The following MDFIC variants were observed in gnomAD, a reference collection of about 807,000 sequenced individuals.
The protein encoded by MDFIC is myoD family inhibitor domain-containing protein.
A neutral mutation model predicts 23.2 loss-of-function variants in MDFIC; 17 were observed. That is an observed-to-expected ratio of 0.73 (90% CI 0.50 to 1.10). MDFIC has a LOEUF of 1.10. Ranked by LOEUF, MDFIC falls within the 50% of genes least tolerant of loss-of-function variation. The pLI, the probability that MDFIC is intolerant of heterozygous loss-of-function variation, is 0.00. For missense variants in MDFIC, 356 were observed against 316.6 expected (o/e 1.12, Z -0.95); for synonymous variants, 120 against 115.2 (o/e 1.04, Z -0.27).
intron 2 of MDFIC, among the ~76,000 whole-genome samples, chr7:114,924,821 T>A (rs1792159353): frequency 6.6e-6 from 1 of 152,166 alleles, no homozygotes; most frequent in African/African-American, 2.4e-5. Context: ...GCAGATGTCA[T>A]AAGGTGTATT....
At chr7:114,951,922 G>A (rs1792782731) in intron 3 of MDFIC, among the ~76,000 whole-genome samples, 3 of 152,082 alleles carry the variant, frequency 2.0e-5, no homozygotes, top group African/African-American at 7.2e-5. Context: ...AGGGTCTCTT[G>A]TTAAAATATT....
chr7:114,943,303 A>G (rs946727370), intron 3 of MDFIC, among the ~76,000 whole-genome samples: 25 of 152,318 alleles, frequency 1.6e-4, no homozygotes, highest in African/African-American at 4.8e-4. Context: ...TGAAACTTAG[A>G]ACATTTCTTT....
At chr7:114,963,201 G>A (rs367754818) in intron 3 of MDFIC, among the ~76,000 whole-genome samples, 1 of 152,134 alleles carries the variant, frequency 6.6e-6, no homozygotes, top group Non-Finnish European at 1.5e-5. Flanking sequence ...TGGTAAATAA[G>A]CACAATATTT....
intron 3 of MDFIC, among the ~76,000 whole-genome samples, chr7:114,973,433 C>T (rs994537687): frequency 2.0e-5 from 3 of 152,044 alleles, no homozygotes; most frequent in African/African-American, 7.2e-5. Context: ...GGTTTTAAGG[C>T]CCAATCCTAA....
chr7:114,938,159 T>G (rs1446443177), intron 2 of MDFIC, among the ~76,000 whole-genome samples: 1 of 151,982 alleles, frequency 6.6e-6, no homozygotes, highest in Admixed American at 6.6e-5. Flanking sequence ...TTTTACCATG[T>G]TGGTCAGGCT....
At chr7:115,014,620 C>CAAAAAA in intron 4 of MDFIC, 1 of 995,584 alleles carries the variant, frequency 1.0e-6, no homozygotes, top group Non-Finnish European at 1.3e-6. Flanking sequence ...AGTACAAAAA[C>CAAAAAA]AAAAAAACAA....
At position 115,016,206 on chromosome 7, in the gene MDFIC, T is replaced by C. The variant is rs1278577867; in HGVS notation, c.*271T>C. The C allele has an allele frequency of 5.4e-6, 2 of 371,872 alleles. No individual in the cohort carries two copies. The highest frequency in any genetic ancestry group is 4.2e-5 in the African/African-American group (2 of 47,818). 23.0% of individuals were successfully genotyped at this position (371,872 alleles called of 1,614,324 possible). ...GACACCCCCCTTCCCAAATGTTAAA[T>C]GCCTTCTCCTTTTTACCGATATTTC... is the stretch of plus-strand genomic sequence containing the variant. On this transcript the variant is annotated 3_prime_UTR_variant, in exon 5 of 5. Coordinates refer to ENST00000393486, the MANE Select transcript of MDFIC (RefSeq NM_001166345.3).
At chr7:114,941,228 C>T (rs1792533258) in intron 2 of MDFIC, among the ~76,000 whole-genome samples, 1 of 152,138 alleles carries the variant, frequency 6.6e-6, no homozygotes, top group Non-Finnish European at 1.5e-5. Flanking sequence ...TATTAATCTT[C>T]CTAAGGCGTG....
chr7:114,984,344 A>G (rs867582164), intron 4 of MDFIC, among the ~76,000 whole-genome samples: 25 of 152,028 alleles, frequency 1.6e-4, no homozygotes, highest in African/African-American at 5.6e-4. Flanking sequence ...TTTTTATTGT[A>G]CAGTGGTGCC....
At chr7:114,989,657 A>G (rs889976398) in intron 4 of MDFIC, among the ~76,000 whole-genome samples, 2 of 152,204 alleles carry the variant, frequency 1.3e-5, no homozygotes, top group African/African-American at 4.8e-5. Flanking sequence ...CAACCAGAGA[A>G]GTATTTACCG....
At chr7:114,934,918 G>A (rs1161277536) in intron 2 of MDFIC, among the ~76,000 whole-genome samples, 1 of 152,000 alleles carries the variant, frequency 6.6e-6, no homozygotes, top group African/African-American at 2.4e-5. Context: ...TAGGCTTGAG[G>A]GTTTTTTTGT....
chr7:115,001,691 C>T (rs922576764), intron 4 of MDFIC, among the ~76,000 whole-genome samples: 10 of 150,184 alleles, frequency 6.7e-5, no homozygotes, highest in African/African-American at 2.2e-4. Context: ...TAGAGAAGTC[C>T]TGTTTTATTT....
At chr7:114,984,794 A>C (rs778995816) in intron 4 of MDFIC, among the ~76,000 whole-genome samples, 9 of 152,242 alleles carry the variant, frequency 5.9e-5, no homozygotes, top group Admixed American at 1.3e-4. Flanking sequence ...TATGTTTTAC[A>C]TGTGCCAGTT....
chr7:114,931,055 G>A (rs573807827), intron 2 of MDFIC, among the ~76,000 whole-genome samples: 20 of 151,960 alleles, frequency 1.3e-4, no homozygotes, highest in African/African-American at 2.9e-4. Context: ...CTCTCCCTCC[G>A]TCCCCTTTTC....
intron 4 of MDFIC, among the ~76,000 whole-genome samples, chr7:114,994,266 T>A (rs150955110): frequency 6.7e-6 from 1 of 148,184 alleles, no homozygotes; most frequent in Non-Finnish European, 1.5e-5. Flanking sequence ...ATGGGGCTCC[T>A]GAATACAACA....
At chr7:114,952,348 C>T (rs1034387543) in intron 3 of MDFIC, among the ~76,000 whole-genome samples, 7 of 152,014 alleles carry the variant, frequency 4.6e-5, no homozygotes, top group Admixed American at 3.3e-4. Flanking sequence ...TGTAGGGGTC[C>T]GTCAGAATGA....
At chr7:114,933,955 T>C (rs139596463) in intron 2 of MDFIC, 1 of 152,376 alleles carries the variant, frequency 6.6e-6, no homozygotes, top group African/African-American at 2.4e-5. Context: ...AGCTATTTTC[T>C]GAGGCTGTTT....
intron 4 of MDFIC, among the ~76,000 whole-genome samples, chr7:114,987,724 A>G (rs992423785): frequency 4.6e-5 from 7 of 152,182 alleles, no homozygotes; most frequent in African/African-American, 7.2e-5. Flanking sequence ...AGAGTTGACT[A>G]TATCAAAGTA....
At chr7:114,923,712 A>G (rs966359554) in intron 2 of MDFIC, 3 of 1,298,546 alleles carry the variant, frequency 2.3e-6, no homozygotes, top group Non-Finnish European at 3.0e-6. Context: ...AAACACACAC[A>G]GCCTATAAAA....
Sources: allele counts gnomAD v4.1 joint callset (sites outside exome capture counted in the v4.1 genomes callset), GRCh38; gene constraint gnomAD v4.1.1; transcripts MANE v1.5; gene names NCBI Gene and HGNC (gene_info 2026-07-23, HGNC 2026-07-21).